DNAH9: variants seen among roughly 807,000 people sequenced by gnomAD.
The protein encoded by DNAH9 is dynein axonemal heavy chain 9, also known as DNAH9 variant protein.
In DNAH9, 345 loss-of-function variants were observed where a neutral mutation model predicts 471.6. That is an observed-to-expected ratio of 0.73 (90% CI 0.67 to 0.80). The LOEUF (loss-of-function observed/expected upper bound fraction) is 0.80. Among genes scored for constraint, DNAH9 ranks in the 30% least tolerant of loss-of-function variants. The pLI, the probability that DNAH9 is intolerant of heterozygous loss-of-function variation, is 0.00. For missense variants in DNAH9, 5,407 were observed against 5,609.2 expected, an observed-to-expected ratio of 0.96 and a Z score of 1.15; for synonymous variants, 2,093 against 2,123.6, an observed-to-expected ratio of 0.99 and a Z score of 0.40.
At chr17:11,905,838 G>T in intron 61 of DNAH9, 29 bp downstream of exon 61, 1 of 1,583,346 alleles carries the variant, frequency 6.3e-7, no homozygotes, top group Non-Finnish European at 8.6e-7. Flanking sequence ...TGGAGCCAGG[G>T]CTGCATTTGC....
rs35966472 is a variant in DNAH9, at chr17:11,850,650, CAAAA to C, written c.9508-3339_9508-3336del. Among the ~76,000 whole-genome samples the C allele has an allele frequency of 1.5e-3, 216 of 139,570 alleles. 1 individual carries two copies. The highest frequency in any genetic ancestry group is 2.0e-3 in the Non-Finnish European group (129 of 65,270). 91.6% of individuals were successfully genotyped at this position (139,570 alleles called of 152,430 possible). On this transcript the variant is annotated intron_variant, in intron 49 of 68. Transcript: ENST00000262442. ...TGGGCGACAGTGTGAGACTCCATGT[CAAAA>C]AAAAAAAAAAAAAGTTTCTTCCAGC...
chr17:11,797,979 G>T (rs1157768748), intron 43 of DNAH9, among the ~76,000 whole-genome samples, 186 bp downstream of exon 43: 1 of 152,170 alleles, frequency 6.6e-6, no homozygotes, highest in Non-Finnish European at 1.5e-5. Flanking sequence ...GGGCAGCACA[G>T]TGCGGAGCTC....
intron 1 of DNAH9, among the ~76,000 whole-genome samples, chr17:11,601,206 A>G (rs185267370): frequency 1.3e-5 from 2 of 152,320 alleles, no homozygotes; most frequent in Admixed American, 1.3e-4. Flanking sequence ...TCCATCATAG[A>G]CACTTAGGAT....
At position 11,744,948 on chromosome 17, in the gene DNAH9, CCATCTT is replaced by C; in HGVS notation, c.6267_6272del (p.Ile2089_Phe2090del). On this transcript the variant is annotated inframe_deletion, in exon 31 of 69. Coordinates refer to ENST00000262442, the MANE Select transcript of DNAH9 (RefSeq NM_001372.4). ...CCCAAGATTGTGACTGATGACATGC[CCATCTT>C]CATGGGCCTGATCGGGGACCTCTTT... 6.2e-7 allele frequency: 1 copy of C among 1,614,168 alleles called. No individual in the cohort carries two copies. Among genetic ancestry groups the C allele is most frequent in the Non-Finnish European group, 8.5e-7 (1 of 1,180,026 alleles).
At chr17:11,718,651 T>G (rs1278997401) in intron 26 of DNAH9, among the ~76,000 whole-genome samples, 3 of 152,220 alleles carry the variant, frequency 2.0e-5, no homozygotes, top group Non-Finnish European at 4.4e-5. Context: ...TCATTTGTGT[T>G]TTATAAATAG....
chr17:11,859,250 TAAAAATACAAA>T, intron 50 of DNAH9, among the ~76,000 whole-genome samples: 1 of 151,776 alleles, frequency 6.6e-6, no homozygotes, highest in Admixed American at 6.6e-5. Context: ...CTATCTCTAC[TAAAAATACAAA>T]ATTAGCTGGG....
intron 58 of DNAH9, among the ~76,000 whole-genome samples, chr17:11,893,955 A>AACTC (rs1973143160): frequency 1.3e-5 from 2 of 152,002 alleles, no homozygotes; most frequent in East Asian, 1.9e-4. Context: ...TAACTTCTCT[A>AACTC]CTCTGTAACT....
intron 4 of DNAH9, among the ~76,000 whole-genome samples, chr17:11,614,402 C>T (rs147352609): frequency 6.6e-6 from 1 of 151,932 alleles, no homozygotes; most frequent in Non-Finnish European, 1.5e-5. Flanking sequence ...TGCAGGAACC[C>T]GATTGTATGA....
At chr17:11,781,330 A>G (rs957996898) in intron 39 of DNAH9, among the ~76,000 whole-genome samples, 156 bp downstream of exon 39, 8 of 152,160 alleles carry the variant, frequency 5.3e-5, no homozygotes, top group African/African-American at 1.7e-4. Context: ...TCAATTCTCT[A>G]TTTCCCAGAG....
intron 1 of DNAH9, 104 bp downstream of exon 1, chr17:11,599,019 A>G: frequency 4.2e-6 from 4 of 953,812 alleles, no homozygotes; most frequent in Non-Finnish European, 5.7e-6. Flanking sequence ...GCGAAGCTGC[A>G]GGGGAGGTCC....
intron 30 of DNAH9, among the ~76,000 whole-genome samples, chr17:11,743,050 C>A (rs1215017230): frequency 1.3e-5 from 2 of 152,168 alleles, no homozygotes; most frequent in South Asian, 4.1e-4. Flanking sequence ...AGCTCTAAAC[C>A]TGTACATTCA....
At chr17:11,862,630 T>C (rs1276988655) in intron 50 of DNAH9, among the ~76,000 whole-genome samples, 3 of 152,212 alleles carry the variant, frequency 2.0e-5, no homozygotes, top group Non-Finnish European at 4.4e-5. Context: ...ATTTTCACGA[T>C]ATTAATTCTT....
At position 11,724,457 on chromosome 17, in the gene DNAH9, A is replaced by G. The variant is rs113582268; in HGVS notation, c.5710-3361A>G. 2.9e-3 allele frequency among the ~76,000 whole-genome samples: 440 copies of G among 152,272 alleles called. 1 individual carries two copies. The highest frequency in any genetic ancestry group is 9.8e-3 in the African/African-American group (408 of 41,540). ...TGTCTTTCTGTGCCTGGCTTCTTTC[A>G]CTTAAGATAATATCCTCCAGGTCCA... On this transcript the variant is annotated intron_variant, in intron 27 of 68. Transcript: ENST00000262442.
chr17:11,805,306 T>C (rs1454610322), intron 43 of DNAH9, among the ~76,000 whole-genome samples: 2 of 152,128 alleles, frequency 1.3e-5, no homozygotes, highest in Non-Finnish European at 2.9e-5. Flanking sequence ...TACACTCACA[T>C]GTTGTTCATG....
At chr17:11,867,372 T>C (rs1333318509) in intron 50 of DNAH9, among the ~76,000 whole-genome samples, 1 of 152,244 alleles carries the variant, frequency 6.6e-6, no homozygotes, top group African/African-American at 2.4e-5. Context: ...TGTTTTCTTA[T>C]GCTTTTCAGG....
chr17:11,969,595 G>A lies in DNAH9; in HGVS notation c.*68G>A. 7.8e-7 allele frequency: 1 copy of A among 1,283,986 alleles called. No homozygotes were observed. The highest frequency in any genetic ancestry group is 1.1e-6 in the Non-Finnish European group (1 of 940,508). 79.5% of individuals were successfully genotyped at this position (1,283,986 alleles called of 1,614,324 possible). A position where few individuals can be genotyped will look rare whatever the true frequency, so the allele number is the denominator to read the frequency against. On this transcript the variant is annotated 3_prime_UTR_variant, in exon 69 of 69. Coordinates refer to ENST00000262442, the MANE Select transcript of DNAH9 (RefSeq NM_001372.4). Reference sequence around the variant, plus strand: ...AGGCTGCCTAGAGGGACAGGTGGGTGAAGGGTCACCACAGACACTTAGAAC... The same window carrying A: ...AGGCTGCCTAGAGGGACAGGTGGGTAAAGGGTCACCACAGACACTTAGAAC...
intron 68 of DNAH9, among the ~76,000 whole-genome samples, chr17:11,966,221 G>A (rs1319248369): frequency 6.6e-6 from 1 of 152,216 alleles, no homozygotes; most frequent in Non-Finnish European, 1.5e-5. Flanking sequence ...AACAAAAGTG[G>A]CTCATCACTT....
intron 49 of DNAH9, among the ~76,000 whole-genome samples, chr17:11,851,094 T>TTTGTTGTTGTTGTTGTTG (rs139118005): frequency 1.4e-5 from 2 of 147,954 alleles, no homozygotes; most frequent in African/African-American, 5.0e-5. Flanking sequence ...TTGAGGTTGT[T>TTTGTTGTTGTTGTTGTTG]TTGTTGTTGT....
At chr17:11,740,201 A>C (rs1012371255) in intron 29 of DNAH9, among the ~76,000 whole-genome samples, 5 of 152,248 alleles carry the variant, frequency 3.3e-5, no homozygotes, top group African/African-American at 1.2e-4. Flanking sequence ...TGTGTTACAA[A>C]TGATTATAGA....
Sources: gnomAD v4.1 joint callset for allele counts (sites outside exome capture counted in the v4.1 genomes callset) on GRCh38, gnomAD v4.1.1 for gene constraint, MANE v1.5 for transcripts, NCBI Gene and HGNC (gene_info 2026-07-23, HGNC 2026-07-21) for gene names.